The following NTM variants were observed in gnomAD, a reference collection of about 807,000 sequenced individuals.
The protein encoded by NTM is IgLON family member 2.
Under a neutral mutation model 42.1 loss-of-function variants are expected in NTM, and 13 were observed. The ratio of observed to expected loss-of-function variants is 0.31; its 90% CI spans 0.20 to 0.49. The LOEUF is 0.49. Among genes scored for constraint, NTM ranks in the 20% least tolerant of loss-of-function variants. NTM has a pLI of 0.99. For missense variants in NTM, 373 were observed against 452.8 expected (o/e 0.82, Z 1.60); for synonymous variants, 187 against 179.2 (o/e 1.04, Z -0.35).
chr11:132,084,984 G>A lies in NTM; in HGVS notation c.168-61298G>A, dbSNP rs546611980. The stretch of plus-strand genomic sequence containing the variant: ...AACCCTTTACAAATTTTGCTAATGA[G>A]TGGATTAGTGCCTTAAGAAAACCTT... On this transcript the variant is annotated intron_variant, in intron 2 of 8. Transcript: ENST00000683400. Among the ~76,000 whole-genome samples the A allele has an allele frequency of 3.3e-5, 5 of 152,272 alleles. No homozygotes were observed. The South Asian group carries it at 1.0e-3, about 32-fold the overall frequency.
At chr11:131,839,897 C>T (rs1371838204) in intron 1 of NTM, among the ~76,000 whole-genome samples, 2 of 152,188 alleles carry the variant, frequency 1.3e-5, no homozygotes, top group Non-Finnish European at 2.9e-5. Context: ...GGTAGAGAGA[C>T]ACATGACTTC....
At chr11:132,140,398 C>T (rs1291277754) in intron 2 of NTM, among the ~76,000 whole-genome samples, 1 of 152,206 alleles carries the variant, frequency 6.6e-6, no homozygotes, top group African/African-American at 2.4e-5. Flanking sequence ...AGCCCTCTTA[C>T]TTTCATAGCT....
rs1565659600 is a variant in NTM, at chr11:131,874,041, ATATAT to A, written c.83-37522_83-37518del. On this transcript the variant is annotated intron_variant, in intron 1 of 8. Transcript: ENST00000683400. ...ATATAATATAATATAATATATATAT[ATATAT>A]ATATATATATATATATATATATCAG... Among the ~76,000 whole-genome samples, 15 of 26,224 alleles carry A rather than the reference ATATAT, an allele frequency of 5.7e-4. 1 individual carries two copies. Among genetic ancestry groups the A allele is most frequent in the African/African-American group, 1.7e-3 (15 of 8,640 alleles). 17.2% of individuals were successfully genotyped at this position (26,224 alleles called of 152,430 possible).
At position 131,655,608 on chromosome 11, in the gene NTM, G is replaced by A. The variant is rs2067081858; in HGVS notation, c.83-255956G>A. Among the ~76,000 whole-genome samples, 3 of 152,176 alleles carry A rather than the reference G, an allele frequency of 2.0e-5. No homozygotes were observed. In the South Asian group the frequency reaches 6.2e-4, roughly 32 times the overall value. On this transcript the variant is annotated intron_variant, in intron 1 of 8. Transcript: ENST00000683400. ...GTGGGCTTGGCCTGCTGGTGAGCTG[G>A]GACCACAGCCCCTGCCGGGTCCATT...
chr11:131,982,534 A>C (rs556328697), intron 2 of NTM, among the ~76,000 whole-genome samples: 1 of 152,100 alleles, frequency 6.6e-6, no homozygotes, highest in Non-Finnish European at 1.5e-5. Context: ...TCTTCCAGCC[A>C]GGGTGCTCCC....
At chr11:131,911,733 G>A in intron 2 of NTM, 85 bp downstream of exon 2, 2 of 1,541,990 alleles carry the variant, frequency 1.3e-6, no homozygotes, top group South Asian at 1.2e-5. Context: ...GCACTGAGGC[G>A]TGCCTGGGTT....
intron 4 of NTM, among the ~76,000 whole-genome samples, chr11:132,225,710 T>A (rs2086105801): frequency 6.6e-6 from 1 of 152,170 alleles, no homozygotes; most frequent in African/African-American, 2.4e-5. Context: ...CCTTTTTTAT[T>A]TAAATTTATT....
intron 1 of NTM, among the ~76,000 whole-genome samples, chr11:131,521,475 C>G (rs1340019884): frequency 8.3e-6 from 1 of 120,318 alleles, no homozygotes; most frequent in Non-Finnish European, 1.6e-5. Flanking sequence ...GCGGCGCAAT[C>G]TCGGCTCACT....
intron 1 of NTM, among the ~76,000 whole-genome samples, chr11:131,651,639 AG>A (rs1289144551): frequency 6.6e-6 from 1 of 152,176 alleles, no homozygotes; most frequent in Non-Finnish European, 1.5e-5. Context: ...CAAGAGATAG[AG>A]ACCATCCTGG....
intron 2 of NTM, among the ~76,000 whole-genome samples, chr11:131,916,057 G>A (rs2056300733): frequency 4.6e-5 from 7 of 152,190 alleles, no homozygotes; most frequent in Admixed American, 4.6e-4. Flanking sequence ...GGACAAAGAG[G>A]TCATGGACCT....
intron 1 of NTM, among the ~76,000 whole-genome samples, chr11:131,898,973 C>T (rs1565696779): frequency 6.6e-6 from 1 of 152,132 alleles, no homozygotes; most frequent in Non-Finnish European, 1.5e-5. Context: ...ATGAAAAATT[C>T]TATGGAAAAC....
chr11:131,548,263 C>T (rs1348724329), intron 1 of NTM, among the ~76,000 whole-genome samples: 1 of 152,028 alleles, frequency 6.6e-6, no homozygotes, highest in Admixed American at 6.6e-5. Context: ...CATGTTTTGC[C>T]TCCACCACCA....
At chr11:131,759,950 T>A (rs6590594) in intron 1 of NTM, among the ~76,000 whole-genome samples, 129 of 152,172 alleles carry the variant, frequency 8.5e-4, no homozygotes, top group African/African-American at 2.9e-3. Flanking sequence ...ATAACTTTCC[T>A]AACATGAACC....
intron 1 of NTM, among the ~76,000 whole-genome samples, chr11:131,757,879 C>T (rs906773584): frequency 1.3e-5 from 2 of 151,960 alleles, no homozygotes; most frequent in African/African-American, 2.4e-5. Context: ...ATGCAAAGAA[C>T]GTTTTAAAAA....
At chr11:131,520,343 C>A (rs1317535456) in intron 1 of NTM, among the ~76,000 whole-genome samples, 1 of 151,992 alleles carries the variant, frequency 6.6e-6, no homozygotes, top group Non-Finnish European at 1.5e-5. Flanking sequence ...TTAAGGTAAA[C>A]AAACTAAGCT....
At chr11:131,526,117 T>A (rs910108923) in intron 1 of NTM, among the ~76,000 whole-genome samples, 13 of 152,198 alleles carry the variant, frequency 8.5e-5, no homozygotes, top group African/African-American at 3.1e-4. Flanking sequence ...TATTGACCCA[T>A]TTCACAGTGA....
In NTM at chr11:132,285,409, G is replaced by A. The variant is rs568877083; in HGVS notation, c.527-22280G>A. ...ATGCACATCTTGAAGAAGGAGGAAT[G>A]AAATGCTCCCAGCTCTGACCAACTC... On this transcript the variant is annotated intron_variant, in intron 4 of 8. Coordinates refer to ENST00000683400, the MANE Select transcript of NTM (RefSeq NM_001352005.2). 9.9e-5 allele frequency among the ~76,000 whole-genome samples: 15 copies of A among 152,260 alleles called. No individual in the cohort carries two copies. In the South Asian group the frequency reaches 1.2e-3, roughly 13 times the overall value.
chr11:132,008,142 C>G (rs1004565682), intron 2 of NTM, among the ~76,000 whole-genome samples: 20 of 152,200 alleles, frequency 1.3e-4, no homozygotes, highest in Admixed American at 1.2e-3. Flanking sequence ...GGGGTTAGCT[C>G]TTGACTCCAC....
chr11:131,651,253 C>T (rs2066437672), intron 1 of NTM, among the ~76,000 whole-genome samples: 1 of 152,190 alleles, frequency 6.6e-6, no homozygotes, highest in Non-Finnish European at 1.5e-5. Flanking sequence ...TTTTAATAAT[C>T]ATTTGATTTT....
Sources: gnomAD v4.1 joint callset for allele counts (sites outside exome capture counted in the v4.1 genomes callset) on GRCh38, gnomAD v4.1.1 for gene constraint, MANE v1.5 for transcripts, NCBI Gene and HGNC (gene_info 2026-07-23, HGNC 2026-07-21) for gene names.